Variants in FAM13A observed in about 807,000 individuals in gnomAD.
FAM13A encodes the protein family with sequence similarity 13 member A, also known as protein FAM13A.
FAM13A carries 76 observed loss-of-function variants against 129.6 expected under a neutral mutation model. The observed-to-expected ratio is 0.59, with a 90% CI of 0.49 to 0.71. The LOEUF (loss-of-function observed/expected upper bound fraction) is 0.71. FAM13A is among the 30% of genes least tolerant of loss of function. The pLI is 0.00. For missense variants in FAM13A, 1,108 were observed against 1,249.3 expected, an observed-to-expected ratio of 0.89 and a Z score of 1.70; for synonymous variants, 443 against 449.9, an observed-to-expected ratio of 0.98 and a Z score of 0.20.
intron 5 of FAM13A, among the ~76,000 whole-genome samples, chr4:88,912,568 TACACACAC>T (rs71594867): frequency 0.015 from 2,240 of 146,134 alleles, 42 homozygotes; most frequent in African/African-American, 0.044. Context: ...CACACATACA[TACACACAC>T]ACACACACAC....
intron 6 of FAM13A, among the ~76,000 whole-genome samples, chr4:88,879,120 C>A (rs1310881994): frequency 6.6e-6 from 1 of 152,160 alleles, no homozygotes; most frequent in African/African-American, 2.4e-5. Context: ...CTGAGAATAG[C>A]TGCTGTCATG....
chr4:88,895,191 C>A (rs1348420153), intron 6 of FAM13A, among the ~76,000 whole-genome samples: 1 of 152,012 alleles, frequency 6.6e-6, no homozygotes, highest in Non-Finnish European at 1.5e-5. Flanking sequence ...AATACTATTA[C>A]TTTTACTAAA....
intron 5 of FAM13A, among the ~76,000 whole-genome samples, chr4:88,913,418 T>G (rs1225064173): frequency 1.8e-5 from 2 of 110,790 alleles, no homozygotes; most frequent in Admixed American, 2.5e-4. Flanking sequence ...GTAGTAGAAG[T>G]AGTAGTAGAG....
At chr4:88,893,838 A>G (rs1745838198) in intron 6 of FAM13A, among the ~76,000 whole-genome samples, 1 of 151,600 alleles carries the variant, frequency 6.6e-6, no homozygotes, top group African/African-American at 2.4e-5. Flanking sequence ...AAAAAAAAAA[A>G]AAAAAGAAAC....
At chr4:88,761,202 G>T (rs1299124125) in intron 13 of FAM13A, among the ~76,000 whole-genome samples, 1 of 152,108 alleles carries the variant, frequency 6.6e-6, no homozygotes, top group Non-Finnish European at 1.5e-5. Context: ...TTCTTTTGAA[G>T]ATCTGTCAGA....
In FAM13A at chr4:89,019,485, G is replaced by A. The variant is rs149664784; in HGVS notation, c.427+975C>T. 2.0e-3 allele frequency among the ~76,000 whole-genome samples: 311 copies of A among 152,180 alleles called. 1 individual carries two copies. The highest frequency in any genetic ancestry group is 3.0e-3 in the Non-Finnish European group (201 of 68,002). On this transcript the variant is annotated intron_variant, in intron 3 of 23. Coordinates refer to ENST00000264344, the MANE Select transcript of FAM13A (RefSeq NM_014883.4). ...ACTTAAAAAGCGAGTTCCTGGCCAGGTGCAGTGGTTCATGCCTGTAATCCC... is the reference window on the plus strand; with the variant it reads ...ACTTAAAAAGCGAGTTCCTGGCCAGATGCAGTGGTTCATGCCTGTAATCCC...
At chr4:88,832,328 C>T (rs1204287218) in intron 7 of FAM13A, among the ~76,000 whole-genome samples, 7 of 152,068 alleles carry the variant, frequency 4.6e-5, no homozygotes, top group Non-Finnish European at 8.8e-5. Context: ...TAGGCATGGG[C>T]GAAGATTTCA....
chr4:88,801,833 G>T (rs924933332), intron 8 of FAM13A, among the ~76,000 whole-genome samples: 19 of 151,506 alleles, frequency 1.3e-4, no homozygotes, highest in African/African-American at 4.6e-4. Flanking sequence ...TGTAGGGGAG[G>T]TGGGAGCTGG....
In FAM13A at chr4:88,758,908, T is replaced by A; in HGVS notation, c.1579-7A>T. The A allele has an allele frequency of 6.2e-7, 1 of 1,612,766 alleles. No homozygotes were observed. Among genetic ancestry groups the A allele is most frequent in the Non-Finnish European group, 8.5e-7 (1 of 1,179,288 alleles). On this transcript the variant is annotated splice_region_variant and splice_polypyrimidine_tract_variant and intron_variant, in intron 13 of 23. Transcript: ENST00000264344. The stretch of plus-strand genomic sequence containing the variant: ...GGATCTTCATTGTGGGGCTCTGCAA[T>A]AACAGCACAATGTCCCCAAATATCT...
In FAM13A at chr4:88,851,134, T is replaced by G; in HGVS notation, c.893A>C (p.Gln298Pro). ...AGGAATGCCATCAGATAGCTCTGGT[T>G]GCAGTACTCTGTGGGCCTGAATAGA... ...EGSIQAHRVL[Q>P]PELSDGIPQL... Residue 298 changes from glutamine to proline, a missense_variant, in exon 7 of 24, where the codon CAA (glutamine) becomes CCA (proline). Transcript: ENST00000264344. 1 of 1,613,638 alleles carries G rather than the reference T, an allele frequency of 6.2e-7. No homozygotes were observed. Among genetic ancestry groups the G allele is most frequent in the Non-Finnish European group, 8.5e-7 (1 of 1,179,904 alleles).
At chr4:89,036,779 G>A (rs1769437324) in intron 1 of FAM13A, among the ~76,000 whole-genome samples, 1 of 152,218 alleles carries the variant, frequency 6.6e-6, no homozygotes, top group African/African-American at 2.4e-5. Context: ...TGGTCCCTGT[G>A]TCCCAATCAC....
intron 3 of FAM13A, among the ~76,000 whole-genome samples, chr4:88,995,628 G>C (rs1423636332): frequency 6.6e-6 from 1 of 152,170 alleles, no homozygotes; most frequent in Non-Finnish European, 1.5e-5. Flanking sequence ...ACAGACTGAA[G>C]GCTGTGCTGT....
At position 89,037,187 on chromosome 4, in the gene FAM13A, C is replaced by A. The variant is rs574775501; in HGVS notation, c.28-7538G>T. Among the ~76,000 whole-genome samples the A allele has an allele frequency of 1.2e-3, 181 of 152,314 alleles. 1 individual carries two copies. The highest frequency in any genetic ancestry group is 4.2e-3 in the African/African-American group (174 of 41,584). On this transcript the variant is annotated intron_variant, in intron 1 of 23. Transcript: ENST00000264344. Reference sequence around the variant, plus strand: ...CTGGAAAAGCTGTAAGCAATCAATGCTATCCCAGGAAAGCAACTGAGGTGC... The same window carrying A: ...CTGGAAAAGCTGTAAGCAATCAATGATATCCCAGGAAAGCAACTGAGGTGC...
intron 4 of FAM13A, among the ~76,000 whole-genome samples, chr4:88,972,641 T>C (rs1760285681): frequency 6.6e-6 from 1 of 151,932 alleles, no homozygotes; most frequent in Admixed American, 6.6e-5. Flanking sequence ...AGAGTCTCAC[T>C]CTGTTGCCTA....
At chr4:88,876,207 G>T (rs537066991) in intron 6 of FAM13A, among the ~76,000 whole-genome samples, 7 of 152,050 alleles carry the variant, frequency 4.6e-5, no homozygotes, top group African/African-American at 1.7e-4. Flanking sequence ...GAGTTAATGG[G>T]TGCAGCACAC....
intron 4 of FAM13A, among the ~76,000 whole-genome samples, chr4:88,944,593 G>A (rs542172117): frequency 2.0e-5 from 3 of 152,102 alleles, no homozygotes; most frequent in African/African-American, 7.2e-5. Context: ...ACTTCCTAGA[G>A]TTAAGATGCT....
intron 6 of FAM13A, among the ~76,000 whole-genome samples, chr4:88,898,509 A>AT (rs889129253): frequency 6.6e-6 from 1 of 152,158 alleles, no homozygotes; most frequent in African/African-American, 2.4e-5. Context: ...ATAAGGAAAG[A>AT]TTTTTTATTT....
intron 3 of FAM13A, among the ~76,000 whole-genome samples, chr4:89,018,272 A>C (rs1560818898): frequency 1.3e-5 from 2 of 152,176 alleles, no homozygotes; most frequent in Non-Finnish European, 2.9e-5. Context: ...AGAGGAAGGG[A>C]CATCAGGAGA....
intron 1 of FAM13A, among the ~76,000 whole-genome samples, chr4:89,041,631 C>T (rs1770142506): frequency 6.6e-6 from 1 of 152,076 alleles, no homozygotes; most frequent in Non-Finnish European, 1.5e-5. Context: ...TAAAAGGATA[C>T]TGTGGCAGGC....
Sources: allele counts gnomAD v4.1 joint callset (sites outside exome capture counted in the v4.1 genomes callset), GRCh38; gene constraint gnomAD v4.1.1; transcripts MANE v1.5; gene names NCBI Gene and HGNC (gene_info 2026-07-23, HGNC 2026-07-21).